ELK3: variants seen among roughly 807,000 people sequenced by gnomAD.
ELK3 encodes the protein ETS domain-containing protein Elk-3.
In ELK3, 10 loss-of-function variants were observed where a neutral mutation model predicts 28.9. That is an observed-to-expected ratio of 0.35 (90% confidence interval 0.21 to 0.59). The LOEUF (loss-of-function observed/expected upper bound fraction) is 0.59. ELK3 is among the 20% of genes least tolerant of loss of function. ELK3 has a pLI of 0.82. For missense variants in ELK3, 463 were observed against 517.3 expected (o/e 0.90, Z 1.02); for synonymous variants, 272 against 243.5 (o/e 1.12, Z -1.09).
At chr12:96,255,021 G>A (rs1358086737) in intron 3 of ELK3, among the ~76,000 whole-genome samples, 1 of 152,160 alleles carries the variant, frequency 6.6e-6, no homozygotes, top group African/African-American at 2.4e-5. Flanking sequence ...CTGCTGGCGA[G>A]ATTGGGAAGG....
At chr12:96,254,306 CAG>C (rs1448451926) in intron 3 of ELK3, among the ~76,000 whole-genome samples, 4 of 152,120 alleles carry the variant, frequency 2.6e-5, no homozygotes, top group Non-Finnish European at 5.9e-5. Context: ...GCCTGGGTGA[CAG>C]AGTGAGATTC....
chr12:96,264,643 C>T (rs1042261056), intron 4 of ELK3, among the ~76,000 whole-genome samples: 5 of 151,966 alleles, frequency 3.3e-5, no homozygotes, highest in South Asian at 2.1e-4. Context: ...AAATTGGCCA[C>T]GTGTGCTGGC....
rs1952050074 is a variant in ELK3 at position 96,267,875 on chromosome 12, T to C, written c.*695T>C. ...AGTACATTTTCAAAAGAATGGACCT[T>C]GAAAGGCTAGCCTCCTTAGCTGTTT... is the stretch of plus-strand genomic sequence containing the variant. On this transcript the variant is annotated 3_prime_UTR_variant, in exon 5 of 5. Transcript: ENST00000228741. The C allele has an allele frequency of 6.6e-6, 1 of 152,598 alleles. No individual in the cohort carries two copies. 9.5% of individuals were successfully genotyped at this position (152,598 alleles called of 1,614,324 possible). A position where few individuals can be genotyped will look rare whatever the true frequency, so the allele number is the denominator to read the frequency against.
intron 3 of ELK3, among the ~76,000 whole-genome samples, chr12:96,249,553 C>A (rs1227592523): frequency 6.6e-6 from 1 of 152,164 alleles, no homozygotes; most frequent in Non-Finnish European, 1.5e-5. Context: ...TCTTGAGAGG[C>A]AGGGCCAGGG....
intron 2 of ELK3, among the ~76,000 whole-genome samples, chr12:96,228,474 T>C (rs952811599): frequency 1.3e-5 from 2 of 149,790 alleles, no homozygotes; most frequent in Non-Finnish European, 3.0e-5. Context: ...GCTACGTTGC[T>C]GCTCAGGCAC....
chr12:96,250,384 C>T (rs747603644), intron 3 of ELK3, among the ~76,000 whole-genome samples: 1 of 152,142 alleles, frequency 6.6e-6, no homozygotes, highest in Non-Finnish European at 1.5e-5. Context: ...TTCACCCAGG[C>T]GGATTCCCTG....
chr12:96,255,890 C>T (rs955980040), intron 3 of ELK3, among the ~76,000 whole-genome samples: 13 of 152,228 alleles, frequency 8.5e-5, no homozygotes, highest in African/African-American at 3.1e-4. Context: ...TGAGAATTTA[C>T]GGTTTGTAGG....
At chr12:96,226,867 A>G (rs144298973) in intron 2 of ELK3, among the ~76,000 whole-genome samples, 250 of 152,264 alleles carry the variant, frequency 1.6e-3, no homozygotes, top group Middle Eastern at 3.4e-3. Flanking sequence ...AGGGGAGAGG[A>G]AAAAAAGAGG....
intron 1 of ELK3, among the ~76,000 whole-genome samples, chr12:96,196,727 G>A (rs1951471100): frequency 6.8e-6 from 1 of 147,298 alleles, no homozygotes; most frequent in African/African-American, 2.5e-5. Flanking sequence ...TATAGCAAAG[G>A]CCTTCTGCCC....
chr12:96,199,617 A>G (rs1052251384), intron 1 of ELK3, among the ~76,000 whole-genome samples: 2 of 152,158 alleles, frequency 1.3e-5, no homozygotes, highest in African/African-American at 4.8e-5. Context: ...CCTGCCTGAA[A>G]CCAAAATAAA....
intron 3 of ELK3, 86 bp from the exon 4 acceptor site, chr12:96,259,645 C>A: frequency 6.9e-7 from 1 of 1,442,624 alleles, no homozygotes; most frequent in Non-Finnish European, 9.2e-7. Flanking sequence ...CATGCCTAGC[C>A]TACCTAACCT....
intron 1 of ELK3, among the ~76,000 whole-genome samples, chr12:96,218,684 T>C (rs1279130189): frequency 1.3e-5 from 2 of 149,982 alleles, no homozygotes; most frequent in African/African-American, 4.9e-5. Flanking sequence ...AGTCTCGCTC[T>C]GTCACCTAGG....
intron 1 of ELK3, among the ~76,000 whole-genome samples, chr12:96,223,298 T>C (rs1454780173): frequency 6.6e-6 from 1 of 152,194 alleles, no homozygotes; most frequent in African/African-American, 2.4e-5. Flanking sequence ...TCCCCATGCA[T>C]CGCTGTCACT....
At position 96,247,397 on chromosome 12, in the gene ELK3, TCTC is replaced by T. The variant is rs1242328386; in HGVS notation, c.669_671del (p.Ser224del). 5 of 1,613,866 alleles carry T rather than the reference TCTC, an allele frequency of 3.1e-6. No homozygotes were observed. The Admixed American group carries it at 5.0e-5, about 16-fold the overall frequency. On this transcript the variant is annotated inframe_deletion, in exon 3 of 5. Transcript: ENST00000228741. The surrounding 1 kb of genome is among the most constrained non-coding windows in gnomAD (Gnocchi z 5.5). Reference sequence around the variant, plus strand: ...CTGGCCTCGTCCGTCTCGGCCAAGATCTCCTCTTTAATGTTGCCAAACGCTGCC... The same window carrying T: ...CTGGCCTCGTCCGTCTCGGCCAAGATCTCTTTAATGTTGCCAAACGCTGCC...
chr12:96,197,069 C>G (rs961036835), intron 1 of ELK3, among the ~76,000 whole-genome samples: 1 of 152,066 alleles, frequency 6.6e-6, no homozygotes, highest in African/African-American at 2.4e-5. Context: ...AAAAGACTTA[C>G]GAGATCTCAT....
At chr12:96,215,396 C>G (rs1951605612) in intron 1 of ELK3, among the ~76,000 whole-genome samples, 1 of 152,122 alleles carries the variant, frequency 6.6e-6, no homozygotes, top group Admixed American at 6.5e-5. Flanking sequence ...AGGTCAGCTT[C>G]CAAGAAGAGG....
chr12:96,233,123 T>C (rs1024231195), intron 2 of ELK3, among the ~76,000 whole-genome samples: 4 of 152,206 alleles, frequency 2.6e-5, no homozygotes, highest in Non-Finnish European at 4.4e-5. Flanking sequence ...TATTTCTCTC[T>C]GCTGGCCGAG....
chr12:96,251,088 T>C (rs1951901806), intron 3 of ELK3, among the ~76,000 whole-genome samples: 1 of 152,248 alleles, frequency 6.6e-6, no homozygotes, highest in Non-Finnish European at 1.5e-5. Flanking sequence ...TCAGCGCCAG[T>C]CTGTTCTTCC....
At chr12:96,225,286 C>T (rs1263091378) in intron 2 of ELK3, among the ~76,000 whole-genome samples, 3 of 152,230 alleles carry the variant, frequency 2.0e-5, no homozygotes, top group East Asian at 1.9e-4. Context: ...AGTCCTCCCT[C>T]TGTGTCTGGG....
Sources: allele counts gnomAD v4.1 joint callset (sites outside exome capture counted in the v4.1 genomes callset), GRCh38; gene constraint gnomAD v4.1.1; non-coding constraint Gnocchi (gnomAD v3.1); transcripts MANE v1.5; gene names NCBI Gene and HGNC (gene_info 2026-07-23, HGNC 2026-07-21).